SEMA6D: variants seen among roughly 807,000 people sequenced by gnomAD.
SEMA6D encodes semaphorin 6D, also known as semaphorin-6D.
SEMA6D carries 35 observed loss-of-function variants against 106.6 expected under a neutral mutation model. That is an observed-to-expected ratio of 0.33 (90% CI 0.25 to 0.44). SEMA6D has a LOEUF of 0.44. Ranked by LOEUF, SEMA6D falls within the 20% of genes least tolerant of loss-of-function variation. SEMA6D has a pLI of 1.00. For missense variants in SEMA6D, 1,185 were observed against 1,345.9 expected (o/e 0.88, Z 1.87); for synonymous variants, 499 against 487.7 (o/e 1.02, Z -0.31).
intron 4 of SEMA6D, among the ~76,000 whole-genome samples, chr15:47,682,220 T>C (rs183330039): frequency 2.2e-3 from 341 of 151,986 alleles, no homozygotes; most frequent in African/African-American, 8.1e-3. Flanking sequence ...CATGCTGGAC[T>C]GCAGTGGCGC....
rs554022075 is a variant in SEMA6D at position 47,284,255 on chromosome 15, T to C, written c.-239+99837T>C. 3.3e-5 allele frequency among the ~76,000 whole-genome samples: 5 copies of C among 152,346 alleles called. 1 individual carries two copies. Among genetic ancestry groups the C allele is most frequent in the African/African-American group, 1.2e-4 (5 of 41,582 alleles). The stretch of plus-strand genomic sequence containing the variant: ...GTGCTTGAACCTATTGTTTATATGG[T>C]GACAGTTAAACACTTGTTATCACTC... On this transcript the variant is annotated intron_variant, in intron 1 of 19. Transcript: ENST00000558014.
At chr15:47,234,669 G>GA (rs2032425727) in intron 1 of SEMA6D, among the ~76,000 whole-genome samples, 1 of 152,002 alleles carries the variant, frequency 6.6e-6, no homozygotes, top group African/African-American at 2.4e-5. Flanking sequence ...TGTTGCAAAA[G>GA]ACATTAGTTC....
At chr15:47,532,712 G>T (rs1404527535) in intron 3 of SEMA6D, among the ~76,000 whole-genome samples, 1 of 152,158 alleles carries the variant, frequency 6.6e-6, no homozygotes, top group Non-Finnish European at 1.5e-5. Context: ...TAAAGATCCT[G>T]TGGAGATACA....
At chr15:47,418,342 C>T (rs1351494572) in intron 2 of SEMA6D, among the ~76,000 whole-genome samples, 11 of 152,198 alleles carry the variant, frequency 7.2e-5, no homozygotes, top group Admixed American at 2.0e-4. Flanking sequence ...GTGTCTTAGT[C>T]TGTTCATGCT....
intron 4 of SEMA6D, among the ~76,000 whole-genome samples, chr15:47,637,221 C>G (rs1439561764): frequency 6.6e-6 from 1 of 152,204 alleles, no homozygotes; most frequent in Admixed American, 6.5e-5. Flanking sequence ...CTCCAGGAGA[C>G]CTCAACTTAT....
At chr15:47,553,567 T>A (rs1165607441) in intron 3 of SEMA6D, among the ~76,000 whole-genome samples, 1 of 152,164 alleles carries the variant, frequency 6.6e-6, no homozygotes, top group East Asian at 1.9e-4. Flanking sequence ...AATATTAGAC[T>A]TGAAAGAGAG....
intron 1 of SEMA6D, among the ~76,000 whole-genome samples, chr15:47,361,950 T>C (rs2038826276): frequency 1.3e-5 from 2 of 152,232 alleles, no homozygotes; most frequent in Non-Finnish European, 2.9e-5. Flanking sequence ...GAATTCCAAT[T>C]TAATAGAATT....
chr15:47,282,272 A>G (rs1443019640), intron 1 of SEMA6D, among the ~76,000 whole-genome samples: 3 of 152,172 alleles, frequency 2.0e-5, no homozygotes, highest in Admixed American at 6.5e-5. Flanking sequence ...AGTAGCATAG[A>G]TGCTTTTCAT....
At chr15:47,357,306 C>T (rs1454969174) in intron 1 of SEMA6D, among the ~76,000 whole-genome samples, 1 of 151,754 alleles carries the variant, frequency 6.6e-6, no homozygotes, top group African/African-American at 2.4e-5. Context: ...TGCATTCCAT[C>T]CTGGGCGACA....
chr15:47,550,318 A>C (rs1241282618), intron 3 of SEMA6D, among the ~76,000 whole-genome samples: 1 of 152,160 alleles, frequency 6.6e-6, no homozygotes, highest in African/African-American at 2.4e-5. Flanking sequence ...TTTCTGTAAT[A>C]CCACAAGAGA....
At chr15:47,699,030 G>A (rs1375026263) in intron 4 of SEMA6D, among the ~76,000 whole-genome samples, 1 of 152,110 alleles carries the variant, frequency 6.6e-6, no homozygotes, top group African/African-American at 2.4e-5. Flanking sequence ...TTTAAAAGAA[G>A]GAGAATATGA....
At chr15:47,381,732 G>A (rs1329039131) in intron 1 of SEMA6D, among the ~76,000 whole-genome samples, 1 of 152,120 alleles carries the variant, frequency 6.6e-6, no homozygotes, top group Non-Finnish European at 1.5e-5. Context: ...TCAAGGTAAC[G>A]TGATATTAAT....
intron 3 of SEMA6D, among the ~76,000 whole-genome samples, chr15:47,582,049 A>C (rs928372444): frequency 3.9e-5 from 6 of 152,254 alleles, no homozygotes; most frequent in African/African-American, 1.4e-4. Flanking sequence ...ACAGAAGTCC[A>C]GTTTAATCAG....
rs557084611 is a variant in SEMA6D, at chr15:47,368,637, T to G, written c.-238-43756T>G. Among the ~76,000 whole-genome samples, 33 of 152,296 alleles carry G rather than the reference T, an allele frequency of 2.2e-4. No individual in the cohort carries two copies. In the South Asian group the frequency reaches 6.6e-3, roughly 31 times the overall value. ...AGGCGCCCGCCACTACGCCCGAAAT[T>G]AGCCTTTATTGAACTACATTTTGGG... is the stretch of plus-strand genomic sequence containing the variant. On this transcript the variant is annotated intron_variant, in intron 1 of 19. Coordinates refer to the SEMA6D transcript ENST00000558014.
At chr15:47,387,696 CATT>C (rs1404080330) in intron 1 of SEMA6D, among the ~76,000 whole-genome samples, 1 of 152,152 alleles carries the variant, frequency 6.6e-6, no homozygotes, top group Non-Finnish European at 1.5e-5. Context: ...GTTGGGATCT[CATT>C]ATTCCAGGAA....
intron 1 of SEMA6D, among the ~76,000 whole-genome samples, chr15:47,329,145 T>G (rs918017697): frequency 6.6e-6 from 1 of 152,206 alleles, no homozygotes. Flanking sequence ...TCTGTACTTA[T>G]GGAGCTTGCC....
chr15:47,581,344 C>A, intron 3 of SEMA6D: 2 of 493,144 alleles, frequency 4.1e-6, no homozygotes, highest in Non-Finnish European at 8.1e-6. Context: ...CACCTTATGG[C>A]AGAACTACAT....
At chr15:47,588,125 A>G (rs957571393) in intron 3 of SEMA6D, among the ~76,000 whole-genome samples, 2 of 152,110 alleles carry the variant, frequency 1.3e-5, no homozygotes, top group African/African-American at 4.8e-5. Flanking sequence ...GCCCTATCCC[A>G]TACACACTCC....
At chr15:47,456,526 A>T (rs2042351500) in intron 2 of SEMA6D, among the ~76,000 whole-genome samples, 1 of 152,028 alleles carries the variant, frequency 6.6e-6, no homozygotes, top group Non-Finnish European at 1.5e-5. Flanking sequence ...TCAACATTAT[A>T]ATAAAGAAGT....
Sources: gnomAD v4.1 joint callset for allele counts (sites outside exome capture counted in the v4.1 genomes callset) on GRCh38, gnomAD v4.1.1 for gene constraint, MANE v1.5 for transcripts, NCBI Gene and HGNC (gene_info 2026-07-23, HGNC 2026-07-21) for gene names.